Variants in CTNNA3 observed in about 807,000 individuals in gnomAD.
CTNNA3 encodes catenin alpha-3.
CTNNA3 carries 76 observed loss-of-function variants against 95.7 expected under a neutral mutation model. That is an observed-to-expected ratio of 0.79 (90% CI 0.66 to 0.96). CTNNA3 has a LOEUF of 0.96. Among genes scored for constraint, CTNNA3 ranks in the 40% least tolerant of loss-of-function variants. The pLI is 0.00. For synonymous variants in CTNNA3, 431 were observed against 374.4 expected (o/e 1.15, Z -1.74); for missense variants, 1,191 against 1,089.8 (o/e 1.09, Z -1.31).
At chr10:67,562,162 C>A (rs940603567) in intron 3 of CTNNA3, among the ~76,000 whole-genome samples, 1 of 152,134 alleles carries the variant, frequency 6.6e-6, no homozygotes, top group African/African-American at 2.4e-5. Context: ...ATCCTGATAC[C>A]AGAGCCGGGC....
chr10:66,649,271 A>C (rs1024116161), intron 9 of CTNNA3, among the ~76,000 whole-genome samples: 1 of 152,144 alleles, frequency 6.6e-6, no homozygotes, highest in Non-Finnish European at 1.5e-5. Context: ...AAGATGGTGG[A>C]AGAGAACTTT....
At chr10:67,654,134 A>T (rs1393736609) in intron 1 of CTNNA3, among the ~76,000 whole-genome samples, 1 of 152,220 alleles carries the variant, frequency 6.6e-6, no homozygotes, top group Non-Finnish European at 1.5e-5. Context: ...TGTGTCAGGG[A>T]CACAGAGGTG....
chr10:66,670,096 A>G (rs1458784149), intron 9 of CTNNA3, among the ~76,000 whole-genome samples: 1 of 152,146 alleles, frequency 6.6e-6, no homozygotes, highest in Non-Finnish European at 1.5e-5. Flanking sequence ...GTCTTCTTTC[A>G]ATTATTTCTG....
At chr10:66,317,122 A>C (rs1344141931) in intron 12 of CTNNA3, among the ~76,000 whole-genome samples, 1 of 152,170 alleles carries the variant, frequency 6.6e-6, no homozygotes, top group African/African-American at 2.4e-5. Context: ...AACATAGTCT[A>C]ATGATCAGTT....
chr10:66,433,595 C>T (rs138728895), intron 11 of CTNNA3, among the ~76,000 whole-genome samples: 2,313 of 152,206 alleles, frequency 0.015, 75 homozygotes, highest in African/African-American at 0.053. Context: ...CTGTAGGTTG[C>T]CTGTTTCCTC....
At chr10:66,221,399 G>A (rs773910207) in intron 13 of CTNNA3, among the ~76,000 whole-genome samples, 1 of 152,186 alleles carries the variant, frequency 6.6e-6, no homozygotes, top group Non-Finnish European at 1.5e-5. Context: ...GTTAGCAGAA[G>A]CCAGTTACGG....
rs942513060 is a variant in CTNNA3 at position 66,590,115 on chromosome 10, G to T, written c.1374+31577C>A. 4.1e-4 allele frequency among the ~76,000 whole-genome samples: 63 copies of T among 152,138 alleles called. 1 individual carries two copies. The highest frequency in any genetic ancestry group is 1.4e-3 in the African/African-American group (60 of 41,514). ...AATCAAATTATAATGTAAAATATCT[G>T]TTATGTGTTTAAAGTATGTTTTACA... is the stretch of plus-strand genomic sequence containing the variant. On this transcript the variant is annotated intron_variant, in intron 10 of 17. Coordinates refer to ENST00000433211, the MANE Select transcript of CTNNA3 (RefSeq NM_013266.4).
chr10:66,605,991 A>G (rs932365936), intron 10 of CTNNA3, among the ~76,000 whole-genome samples: 2 of 152,172 alleles, frequency 1.3e-5, no homozygotes, highest in African/African-American at 2.4e-5. Flanking sequence ...AAATGCCCCA[A>G]TTAAACACAG....
intron 5 of CTNNA3, among the ~76,000 whole-genome samples, chr10:67,404,273 C>T (rs886969695): frequency 6.6e-6 from 1 of 151,804 alleles, no homozygotes; most frequent in Admixed American, 6.6e-5. Flanking sequence ...GCTAAAGGAG[C>T]ACTTTGCAAC....
intron 12 of CTNNA3, among the ~76,000 whole-genome samples, chr10:66,295,241 G>T (rs906248214): frequency 6.6e-6 from 1 of 152,044 alleles, no homozygotes; most frequent in East Asian, 1.9e-4. Flanking sequence ...CTTTTTTTTA[G>T]AATTTGTTAA....
At chr10:66,940,530 G>A (rs1847943669) in intron 7 of CTNNA3, among the ~76,000 whole-genome samples, 1 of 152,264 alleles carries the variant, frequency 6.6e-6, no homozygotes, top group East Asian at 1.9e-4. Context: ...AATAAAAGAA[G>A]TCCAGTGGTT....
intron 7 of CTNNA3, among the ~76,000 whole-genome samples, chr10:67,084,006 T>A (rs1035981651): frequency 6.6e-6 from 1 of 152,110 alleles, no homozygotes; most frequent in Non-Finnish European, 1.5e-5. Flanking sequence ...TCAATGCCAG[T>A]TCAAGGAAGA....
intron 11 of CTNNA3, among the ~76,000 whole-genome samples, chr10:66,515,569 C>G (rs12256728): frequency 0.014 from 2,068 of 152,142 alleles, 54 homozygotes; most frequent in African/African-American, 0.048. Context: ...CATTCTCATG[C>G]TGCTCTAAAG....
chr10:66,446,214 G>A (rs1201356096), intron 11 of CTNNA3, among the ~76,000 whole-genome samples: 1 of 152,146 alleles, frequency 6.6e-6, no homozygotes, highest in Non-Finnish European at 1.5e-5. Context: ...TCCAGGACCA[G>A]ATGGATTCAC....
At chr10:67,114,678 T>C (rs1859077434) in intron 7 of CTNNA3, among the ~76,000 whole-genome samples, 1 of 149,834 alleles carries the variant, frequency 6.7e-6, no homozygotes, top group African/African-American at 2.5e-5. Context: ...TAACACACTA[T>C]TAATAAATCA....
intron 9 of CTNNA3, among the ~76,000 whole-genome samples, chr10:66,758,197 A>T (rs1439659673): frequency 1.3e-5 from 2 of 152,218 alleles, no homozygotes; most frequent in Non-Finnish European, 2.9e-5. Flanking sequence ...AGAACTTTCA[A>T]TGCCAGGAAT....
intron 5 of CTNNA3, among the ~76,000 whole-genome samples, chr10:67,258,229 C>T (rs894639495): frequency 8.5e-5 from 13 of 152,160 alleles, no homozygotes; most frequent in East Asian, 3.9e-4. Flanking sequence ...TTGCAACCTC[C>T]GCCTCCCAGG....
At chr10:65,924,782 C>T (rs190292911) in intron 17 of CTNNA3, among the ~76,000 whole-genome samples, 5 of 152,282 alleles carry the variant, frequency 3.3e-5, no homozygotes, top group Admixed American at 1.3e-4. Flanking sequence ...GTTTAATTGA[C>T]TCACAGTTTC....
At chr10:67,126,087 A>G (rs534039606) in intron 7 of CTNNA3, among the ~76,000 whole-genome samples, 1 of 152,352 alleles carries the variant, frequency 6.6e-6, no homozygotes. Context: ...AGTGTCTTTC[A>G]GCATAAAAGA....
Sources: allele counts gnomAD v4.1 joint callset (sites outside exome capture counted in the v4.1 genomes callset), GRCh38; gene constraint gnomAD v4.1.1; transcripts MANE v1.5; gene names NCBI Gene and HGNC (gene_info 2026-07-23, HGNC 2026-07-21).